RANBP2: variants seen among roughly 807,000 people sequenced by gnomAD.
RANBP2 encodes the protein RAN binding protein 2.
Under a neutral mutation model 303.6 loss-of-function variants are expected in RANBP2, and 57 were observed. The ratio of observed to expected loss-of-function variants is 0.19; its 90% confidence interval spans 0.15 to 0.23. The LOEUF (loss-of-function observed/expected upper bound fraction) is 0.23. RANBP2 is among the 10% of genes least tolerant of loss of function. The probability of loss-of-function intolerance (pLI) is 1.00; values close to 1 mark genes in which losing one functional copy is unlikely to be tolerated. For synonymous variants in RANBP2, 1,167 were observed against 1,301.5 expected (o/e 0.90, Z 2.23); for missense variants, 3,138 against 3,780.8 (o/e 0.83, Z 4.46).
chr2:108,906,189 G>A, the RANBP2 span: 20 of 1,006,094 alleles, frequency 2.0e-5, no homozygotes, highest in Admixed American at 3.6e-5. Flanking sequence ...TGACCAAAGT[G>A]CGGCAACTGG....
chr2:109,243,726 A>G, the RANBP2 span, among the ~76,000 whole-genome samples: 2 of 152,200 alleles, frequency 1.3e-5, no homozygotes, highest in African/African-American at 4.8e-5. Flanking sequence ...GAGATTGAGC[A>G]TGGTGTTTTC....
At chr2:108,786,669 T>G (rs559162568), downstream of RANBP2, 3 of 666,828 alleles carry the variant, frequency 4.5e-6, no homozygotes, top group Middle Eastern at 4.2e-4. Flanking sequence ...CAAGCCGGGC[T>G]GCAGTCTCCG....
chr2:109,516,400 C>A, the RANBP2 span, among the ~76,000 whole-genome samples: 1 of 152,208 alleles, frequency 6.6e-6, no homozygotes, highest in African/African-American at 2.4e-5. Context: ...ATGCCTGGTG[C>A]AGGAGAGGTT....
the RANBP2 span, among the ~76,000 whole-genome samples, chr2:109,481,924 G>A: frequency 3.9e-5 from 6 of 152,162 alleles, no homozygotes; most frequent in Admixed American, 3.3e-4. Context: ...GGTAATGGTC[G>A]TTGTATGTGA....
the RANBP2 span, among the ~76,000 whole-genome samples, chr2:109,655,737 G>A: frequency 2.0e-5 from 3 of 152,122 alleles, no homozygotes; most frequent in South Asian, 2.1e-4. Flanking sequence ...CCTTAAAGCC[G>A]AAAGATTCTG....
chr2:109,131,507 C>T, the RANBP2 span, among the ~76,000 whole-genome samples: 1 of 152,058 alleles, frequency 6.6e-6, no homozygotes, highest in Non-Finnish European at 1.5e-5. Flanking sequence ...ATGTGATATT[C>T]GGAGCCCCGC....
At chr2:108,988,561 T>A in the RANBP2 span, among the ~76,000 whole-genome samples, 1 of 152,024 alleles carries the variant, frequency 6.6e-6, no homozygotes, top group African/African-American at 2.4e-5. Flanking sequence ...TGGAGGCAGG[T>A]ACAGAGCCCA....
At chr2:109,709,307 A>AAAAATAAAATAAAATAAAAT in the RANBP2 span, among the ~76,000 whole-genome samples, 2,592 of 127,606 alleles carry the variant, frequency 0.02, 56 homozygotes, top group Admixed American at 0.043. Flanking sequence ...ACTGTGTCTC[A>AAAAATAAAATAAAATAAAAT]AAAATAAAAT....
At chr2:109,765,738 C>G in the RANBP2 span, among the ~76,000 whole-genome samples, 1 of 150,980 alleles carries the variant, frequency 6.6e-6, no homozygotes, top group Non-Finnish European at 1.5e-5. Context: ...GGGAGGGATG[C>G]AGAGGCACTA....
At chr2:109,131,250 G>GT in the RANBP2 span, among the ~76,000 whole-genome samples, 608 of 151,230 alleles carry the variant, frequency 4.0e-3, no homozygotes, top group Non-Finnish European at 6.9e-3. Context: ...GCTGCAATGG[G>GT]TTTTTTTTTC....
At chr2:108,859,812 AT>A in the RANBP2 span, among the ~76,000 whole-genome samples, 3,551 of 145,646 alleles carry the variant, frequency 0.024, 129 homozygotes, top group African/African-American at 0.079. Flanking sequence ...TGAATTTTCA[AT>A]TTTTTTTTTT....
chr2:108,745,998 C>CT (rs1696482739), intron 7 of RANBP2, among the ~76,000 whole-genome samples: 1 of 151,490 alleles, frequency 6.6e-6, no homozygotes, highest in African/African-American at 2.4e-5. Flanking sequence ...CCTTGACCTC[C>CT]TGGATTTAAG....
At chr2:109,170,494 C>CT in the RANBP2 span, among the ~76,000 whole-genome samples, 1 of 152,046 alleles carries the variant, frequency 6.6e-6, no homozygotes, top group Non-Finnish European at 1.5e-5. Context: ...TGCAGGCGCA[C>CT]ACCACCATGC....
the RANBP2 span, among the ~76,000 whole-genome samples, chr2:109,068,407 C>G: frequency 2.0e-5 from 3 of 152,336 alleles, no homozygotes; most frequent in Admixed American, 2.0e-4. Flanking sequence ...CGCATCCAGA[C>G]TGTAAGCCGT....
the RANBP2 span, among the ~76,000 whole-genome samples, chr2:109,047,537 G>A: frequency 3.9e-5 from 6 of 152,130 alleles, no homozygotes; most frequent in Non-Finnish European, 7.4e-5. Flanking sequence ...GACCGGGCAC[G>A]TTGGCTCATG....
intron 20 of RANBP2, among the ~76,000 whole-genome samples, chr2:108,769,045 A>C (rs1048200252): frequency 9.2e-5 from 14 of 152,068 alleles, no homozygotes; most frequent in Admixed American, 2.6e-4. Flanking sequence ...AAAAAAAAAA[A>C]AACAACGTGA....
chr2:109,238,768 G>A, the RANBP2 span, among the ~76,000 whole-genome samples: 1 of 152,104 alleles, frequency 6.6e-6, no homozygotes, highest in East Asian at 1.9e-4. Context: ...ATCCTCTGTG[G>A]CTCTTGCAAT....
the RANBP2 span, among the ~76,000 whole-genome samples, chr2:109,333,446 T>C: frequency 1.1e-4 from 16 of 152,244 alleles, no homozygotes; most frequent in Admixed American, 4.6e-4. Flanking sequence ...CCTTAGTCAG[T>C]CATCCTGGAC....
rs1224942587 is a variant in RANBP2 at position 108,762,135 on chromosome 2, G to A, written c.2637G>A (p.Gln879=). The change falls in exon 19 of 29, where the codon CAG becomes CAA. Residue 879 remains glutamine, a synonymous_variant. Transcript: ENST00000283195. ...CTGGCCCTTCAGTATATTATAGTCAGTCACCAGCATATAATTCCCAGTATC... is the reference window on the plus strand; with the variant it reads ...CTGGCCCTTCAGTATATTATAGTCAATCACCAGCATATAATTCCCAGTATC... ...ATTGPSVYYS[Q]SPAYNSQYLL... The A allele has an allele frequency of 6.3e-7, 1 of 1,594,898 alleles. No homozygotes were observed. Among genetic ancestry groups the A allele is most frequent in the African/African-American group, 1.3e-5 (1 of 74,368 alleles).
Sources: allele counts gnomAD v4.1 joint callset (sites outside exome capture counted in the v4.1 genomes callset), GRCh38; gene constraint gnomAD v4.1.1; transcripts MANE v1.5; gene names NCBI Gene and HGNC (gene_info 2026-07-23, HGNC 2026-07-21).